MAK: variants seen among roughly 807,000 people sequenced by gnomAD.
MAK encodes the protein male germ cell associated kinase.
A neutral mutation model predicts 82.6 loss-of-function variants in MAK; 65 were observed. The ratio of observed to expected loss-of-function variants is 0.79; its 90% CI spans 0.64 to 0.97. The LOEUF is 0.97. MAK is among the 50% of genes least tolerant of loss of function. The pLI is 0.00. For synonymous variants in MAK, 250 were observed against 274.2 expected (o/e 0.91, Z 0.87); for missense variants, 703 against 780.2 (o/e 0.90, Z 1.18).
At chr6:10,828,332 C>T (rs776990006) in intron 2 of MAK, among the ~76,000 whole-genome samples, 12 of 152,118 alleles carry the variant, frequency 7.9e-5, no homozygotes, top group Non-Finnish European at 1.6e-4. Flanking sequence ...ATTCAAACAA[C>T]CCTCTGGAAA....
chr6:10,807,052 C>A (rs1449520883), intron 6 of MAK, among the ~76,000 whole-genome samples: 1 of 152,116 alleles, frequency 6.6e-6, no homozygotes, highest in East Asian at 1.9e-4. Context: ...AGGTCCAAGT[C>A]ACTATCATTT....
At chr6:10,807,648 A>G (rs1170592947) in intron 6 of MAK, among the ~76,000 whole-genome samples, 2 of 151,456 alleles carry the variant, frequency 1.3e-5, no homozygotes. Context: ...CCTGATACAC[A>G]TATGTTCTTG....
intron 13 of MAK, among the ~76,000 whole-genome samples, chr6:10,772,144 A>C (rs1773070674): frequency 6.6e-6 from 1 of 152,158 alleles, no homozygotes; most frequent in African/African-American, 2.4e-5. Flanking sequence ...GATGCTTCTT[A>C]TTGGAGAAAG....
At chr6:10,825,454 T>C (rs1327907197) in intron 2 of MAK, among the ~76,000 whole-genome samples, 2 of 152,158 alleles carry the variant, frequency 1.3e-5, no homozygotes, top group African/African-American at 4.8e-5. Context: ...TTATATGCCA[T>C]GGTTTCTCGG....
intron 10 of MAK, among the ~76,000 whole-genome samples, chr6:10,789,861 G>A (rs1458570087): frequency 6.6e-6 from 1 of 152,052 alleles, no homozygotes; most frequent in Non-Finnish European, 1.5e-5. Flanking sequence ...TCACCATGTT[G>A]GCCAGGCTGG....
At chr6:10,828,741 G>A (rs1215742644) in intron 2 of MAK, among the ~76,000 whole-genome samples, 2 of 152,092 alleles carry the variant, frequency 1.3e-5, no homozygotes, top group Non-Finnish European at 2.9e-5. Context: ...GCTATAGTGA[G>A]CTATGTTTGT....
intron 1 of MAK, among the ~76,000 whole-genome samples, chr6:10,837,073 G>A (rs1170552375): frequency 6.6e-6 from 1 of 152,184 alleles, no homozygotes; most frequent in Non-Finnish European, 1.5e-5. Context: ...CAAATGAAGG[G>A]TAAAACAAGC....
chr6:10,780,211 C>T (rs1283206470), intron 11 of MAK: 12 of 954,992 alleles, frequency 1.3e-5, no homozygotes, highest in East Asian at 1.1e-4. Context: ...CTTTTTAAAT[C>T]TCAATTATAG....
intron 10 of MAK, among the ~76,000 whole-genome samples, chr6:10,788,117 A>AG (rs1487710912): frequency 1.3e-5 from 2 of 151,556 alleles, no homozygotes; most frequent in African/African-American, 4.8e-5. Context: ...CAGCCTCCTG[A>AG]GTAGCTCGAA....
chr6:10,771,335 G>T (rs1317480996), intron 13 of MAK, among the ~76,000 whole-genome samples: 1 of 152,180 alleles, frequency 6.6e-6, no homozygotes, highest in South Asian at 2.1e-4. Context: ...AATACACACT[G>T]AGTGTGGAAA....
At chr6:10,795,408 C>A (rs1041559770) in intron 9 of MAK, among the ~76,000 whole-genome samples, 1 of 152,028 alleles carries the variant, frequency 6.6e-6, no homozygotes, top group Non-Finnish European at 1.5e-5. Context: ...TGCCATTGCA[C>A]TCCAGCCTGG....
At chr6:10,823,418 C>A (rs1181945590) in intron 2 of MAK, among the ~76,000 whole-genome samples, 1 of 152,106 alleles carries the variant, frequency 6.6e-6, no homozygotes, top group East Asian at 1.9e-4. Flanking sequence ...AATGAAAACA[C>A]CTTCCAGGTA....
rs548724933 is a variant in MAK, at chr6:10,793,848, G to C, written c.1144-2001C>G. Among the ~76,000 whole-genome samples the C allele has an allele frequency of 6.6e-6, 1 of 152,164 alleles. No homozygotes were observed. Among genetic ancestry groups the C allele is most frequent in the Non-Finnish European group, 1.5e-5 (1 of 68,038 alleles). On this transcript the variant is annotated intron_variant, in intron 9 of 14. Transcript: ENST00000354489. The surrounding 1 kb of genome is among the most constrained non-coding windows in gnomAD (Gnocchi z 4.6). ...AGGGGTCATGGGGAGGACTGTCATC[G>C]TTGGTGGCACGAGTGCACATATGGT...
At chr6:10,831,599 C>T (rs1378165196) in intron 1 of MAK, among the ~76,000 whole-genome samples, 1 of 151,934 alleles carries the variant, frequency 6.6e-6, no homozygotes, top group Non-Finnish European at 1.5e-5. Context: ...AACTAAAAAA[C>T]TAGCTGGACT....
chr6:10,782,813 G>A (rs990139215), intron 11 of MAK, among the ~76,000 whole-genome samples: 1 of 152,060 alleles, frequency 6.6e-6, no homozygotes, highest in African/African-American at 2.4e-5. Flanking sequence ...CCTGAACTCA[G>A]GTGATCCGCC....
At chr6:10,773,902 T>C (rs937183345) in intron 12 of MAK, among the ~76,000 whole-genome samples, 1 of 152,068 alleles carries the variant, frequency 6.6e-6, no homozygotes, top group African/African-American at 2.4e-5. Flanking sequence ...GGTTTCACCA[T>C]GTTGGTCAGG....
intron 9 of MAK, among the ~76,000 whole-genome samples, chr6:10,794,060 G>T (rs1561959505): frequency 6.6e-6 from 1 of 152,178 alleles, no homozygotes. Flanking sequence ...GGGAATTGGA[G>T]AAGTTTCTCT....
intron 14 of MAK, among the ~76,000 whole-genome samples, chr6:10,767,949 A>G: frequency 6.6e-6 from 1 of 152,180 alleles, no homozygotes; most frequent in East Asian, 1.9e-4. Context: ...CATGACTGGA[A>G]GACACATCTC....
intron 5 of MAK, among the ~76,000 whole-genome samples, chr6:10,809,971 G>A (rs2002141): frequency 0.046 from 6,913 of 151,834 alleles, 196 homozygotes; most frequent in Middle Eastern, 0.075. Flanking sequence ...GGTGGTGTGC[G>A]CCTGTAGTCC....
Sources: allele counts gnomAD v4.1 joint callset (sites outside exome capture counted in the v4.1 genomes callset), GRCh38; gene constraint gnomAD v4.1.1; non-coding constraint Gnocchi (gnomAD v3.1); transcripts MANE v1.5; gene names NCBI Gene and HGNC (gene_info 2026-07-23, HGNC 2026-07-21).